HAPLN2: variants seen among roughly 807,000 people sequenced by gnomAD.
The protein encoded by HAPLN2 is hyaluronan and proteoglycan link protein 2.
In HAPLN2, 27 loss-of-function variants were observed where a neutral mutation model predicts 29.3. The observed-to-expected ratio is 0.92, with a 90% confidence interval of 0.68 to 1.27. The LOEUF (loss-of-function observed/expected upper bound fraction) is 1.27, where lower values mean the gene tolerates loss of function less well. Ranked by LOEUF, HAPLN2 falls within the 50% of genes most tolerant of loss-of-function variation. The pLI, the probability that HAPLN2 is intolerant of heterozygous loss-of-function variation, is 0.00. For synonymous variants in HAPLN2, 208 were observed against 211.7 expected, an observed-to-expected ratio of 0.98 and a Z score of 0.15; for missense variants, 454 against 484.3, an observed-to-expected ratio of 0.94 and a Z score of 0.59.
chr1:156,602,532 A>T, the HAPLN2 span, among the ~76,000 whole-genome samples: 2 of 129,218 alleles, frequency 1.5e-5, no homozygotes, highest in African/African-American at 5.6e-5. Context: ...AAATGGCGAG[A>T]CACCGACTAA....
chr1:156,611,264 C>A, the HAPLN2 span, among the ~76,000 whole-genome samples: 1 of 48,434 alleles, frequency 2.1e-5, no homozygotes, highest in Admixed American at 2.9e-4. Context: ...AGAGTGAGAC[C>A]CTAAAAAAAA....
At chr1:156,609,013 A>C in the HAPLN2 span, among the ~76,000 whole-genome samples, 8 of 152,350 alleles carry the variant, frequency 5.3e-5, no homozygotes, top group Non-Finnish European at 8.8e-5. Context: ...GATGGTAAGA[A>C]CACCAAGGAA....
In HAPLN2 at chr1:156,624,599, A is replaced by C; in HGVS notation, c.557-2A>C. The stretch of plus-strand genomic sequence containing the variant: ...TCCCCGACCTCCGCCGTCTCCCGCC[A>C]GCTTGGACCGAGGGTCTGGACTGGT... On this transcript the variant is annotated splice_acceptor_variant, in intron 5 of 6. Coordinates refer to ENST00000255039, the MANE Select transcript of HAPLN2 (RefSeq NM_021817.3). LOFTEE classifies it high-confidence loss of function. 2 of 1,612,264 alleles carry C rather than the reference A, an allele frequency of 1.2e-6. No individual in the cohort carries two copies. Among genetic ancestry groups the C allele is most frequent in the African/African-American group, 1.3e-5 (1 of 74,992 alleles).
At chr1:156,623,200 G>A (rs922503429) in intron 2 of HAPLN2, among the ~76,000 whole-genome samples, 3 of 152,044 alleles carry the variant, frequency 2.0e-5, no homozygotes, top group African/African-American at 7.2e-5. Flanking sequence ...AGTAGCACTT[G>A]TGATGAGGGG....
rs1678427867 is a variant in HAPLN2 at position 156,625,670 on chromosome 1, G to T, written c.*286G>T. ...GCCACCGCCGGGGGGAGGGTGAGGCGGCCGGGGGCATTAACTGACCTCTGA... is the reference window on the plus strand; with the variant it reads ...GCCACCGCCGGGGGGAGGGTGAGGCTGCCGGGGGCATTAACTGACCTCTGA... On this transcript the variant is annotated 3_prime_UTR_variant, in exon 7 of 7. Coordinates refer to ENST00000255039, the MANE Select transcript of HAPLN2 (RefSeq NM_021817.3). This position sits in a 1 kb window ranked among gnomAD's most constrained non-coding sequence, Gnocchi z 5.7. The T allele has an allele frequency of 4.9e-6, 2 of 406,742 alleles. No homozygotes were observed. Among genetic ancestry groups the T allele is most frequent in the South Asian group, 1.1e-4 (2 of 18,866 alleles). The allele number at this position is 406,742 out of a possible 1,614,324, so 25.2% of individuals were successfully genotyped here. A position where few individuals can be genotyped will look rare whatever the true frequency, so the allele number is the denominator to read the frequency against.
the HAPLN2 span, among the ~76,000 whole-genome samples, chr1:156,607,424 G>A: frequency 6.6e-6 from 1 of 152,046 alleles, no homozygotes; most frequent in Non-Finnish European, 1.5e-5. Context: ...AGGTTGTAGT[G>A]AGCCGAGATT....
At position 156,625,722 on chromosome 1, in the gene HAPLN2, C is replaced by A; in HGVS notation, c.*338C>A. ...TACAGCAATAAAATAACCTGGGGAT[C>A]TTTTGTGTTGGGTGGAGCTGTAAGA... On this transcript the variant is annotated 3_prime_UTR_variant, in exon 7 of 7. Transcript: ENST00000255039. The surrounding 1 kb of genome is among the most constrained non-coding windows in gnomAD (Gnocchi z 5.7). 1 of 263,168 alleles carries A rather than the reference C, an allele frequency of 3.8e-6. No homozygotes were observed. The highest frequency in any genetic ancestry group is 7.1e-6 in the Non-Finnish European group (1 of 140,028). The allele number at this position is 263,168 out of a possible 1,614,324, so 16.3% of individuals were successfully genotyped here. A position where few individuals can be genotyped will look rare whatever the true frequency, so the allele number is the denominator to read the frequency against.
chr1:156,618,285 G>C, upstream of HAPLN2, among the ~76,000 whole-genome samples: 1 of 129,882 alleles, frequency 7.7e-6, no homozygotes, highest in Non-Finnish European at 1.6e-5. Context: ...CAGCCTGGGT[G>C]ACAGAGCCAG....
At chr1:156,623,176 T>C (rs1208765803) in intron 2 of HAPLN2, among the ~76,000 whole-genome samples, 1 of 152,012 alleles carries the variant, frequency 6.6e-6, no homozygotes, top group South Asian at 2.1e-4. Flanking sequence ...GCAGTCCAGA[T>C]GGCAAGCTTG....
rs1220135288 is a variant in HAPLN2, at chr1:156,625,096, C to T, written c.740-5C>T. The T allele has an allele frequency of 3.3e-6, 5 of 1,536,880 alleles. No individual in the cohort carries two copies. The highest frequency in any genetic ancestry group is 4.4e-6 in the Non-Finnish European group (5 of 1,146,454). Reference sequence around the variant, plus strand: ...CCTCGGTCGGTGACCCGCTGTGGTCCCCAGGCCAAGTGTTCTTCGTGCCCG... The same window carrying T: ...CCTCGGTCGGTGACCCGCTGTGGTCTCCAGGCCAAGTGTTCTTCGTGCCCG... On this transcript the variant is annotated splice_polypyrimidine_tract_variant and splice_region_variant and intron_variant, in intron 6 of 6. Transcript: ENST00000255039. The surrounding 1 kb of genome is among the most constrained non-coding windows in gnomAD (Gnocchi z 5.7).
chr1:156,624,896 C>T, intron 6 of HAPLN2, 113 bp downstream of exon 6: 1 of 1,305,408 alleles, frequency 7.7e-7, no homozygotes, highest in Non-Finnish European at 1.0e-6. Context: ...TCCAAGGCAC[C>T]GCCCCCCCAT....
the HAPLN2 span, chr1:156,601,539 C>T: frequency 2.1e-6 from 3 of 1,412,634 alleles, no homozygotes; most frequent in African/African-American, 1.4e-5. Context: ...ACCAAAATCA[C>T]GGTTTTTCCA....
At chr1:156,604,244 A>G in the HAPLN2 span, among the ~76,000 whole-genome samples, 3 of 152,314 alleles carry the variant, frequency 2.0e-5, no homozygotes, top group Admixed American at 2.0e-4. Context: ...TTACAGTGTA[A>G]ACATACAATG....
the HAPLN2 span, among the ~76,000 whole-genome samples, chr1:156,610,344 A>G: frequency 6.6e-6 from 1 of 152,120 alleles, no homozygotes; most frequent in Non-Finnish European, 1.5e-5. Flanking sequence ...TCGGTGGAAA[A>G]GCAAAGTAGG....
chr1:156,613,697 C>T, the HAPLN2 span, among the ~76,000 whole-genome samples: 1 of 151,884 alleles, frequency 6.6e-6, no homozygotes, highest in Non-Finnish European at 1.5e-5. Context: ...GGGTAGATCA[C>T]TTGAGGTCAG....
At position 156,623,511 on chromosome 1, in the gene HAPLN2, C is replaced by T; in HGVS notation, c.21C>T (p.Leu7=). Residue 7 remains leucine, a synonymous_variant, in exon 3 of 7, where the codon CTC becomes CTT. Coordinates refer to ENST00000255039, the MANE Select transcript of HAPLN2 (RefSeq NM_021817.3). ...CCATCATGCCAGGCTGGCTCACCCT[C>T]CCCACACTCTGCCGCTTCCTTCTTT... MPGWLT[L]PTLCRFLLWA... is the part of the protein sequence containing the mutation. 6.2e-7 allele frequency: 1 copy of T among 1,614,044 alleles called. No homozygotes were observed. Among genetic ancestry groups the T allele is most frequent in the East Asian group, 2.2e-5 (1 of 44,876 alleles).
chr1:156,604,371 C>T, the HAPLN2 span, among the ~76,000 whole-genome samples: 1 of 151,320 alleles, frequency 6.6e-6, no homozygotes, highest in East Asian at 1.9e-4. Context: ...TGGTTCACTG[C>T]AACCTCCACC....
Position 156,621,993 on chromosome 1 carries a change from A to G in HAPLN2, c.-24-1474A>G, listed in dbSNP as rs1678244382. Among the ~76,000 whole-genome samples the G allele has an allele frequency of 2.6e-5, 4 of 152,014 alleles. No individual in the cohort carries two copies. The South Asian group carries it at 6.2e-4, about 24-fold the overall frequency. ...ACAAAACAAATTTAAAGGGGGGAAT[A>G]ACTACAGTACTGAAATAGATAATTG... is the stretch of plus-strand genomic sequence containing the variant. On this transcript the variant is annotated intron_variant, in intron 2 of 6. Coordinates refer to ENST00000255039, the MANE Select transcript of HAPLN2 (RefSeq NM_021817.3).
chr1:156,623,047 AATAAAT>A (rs1381695346), intron 2 of HAPLN2, among the ~76,000 whole-genome samples: 1,690 of 139,480 alleles, frequency 0.012, 115 homozygotes, highest in African/African-American at 0.046. Context: ...AAAATAAATA[AATAAAT>A]AAATAAATAA....
Sources: allele counts gnomAD v4.1 joint callset (sites outside exome capture counted in the v4.1 genomes callset), GRCh38; gene constraint gnomAD v4.1.1; non-coding constraint Gnocchi (gnomAD v3.1); transcripts MANE v1.5; gene names NCBI Gene and HGNC (gene_info 2026-07-23, HGNC 2026-07-21).